UNC5A: variants seen among roughly 807,000 people sequenced by gnomAD.
UNC5A encodes unc-5 netrin receptor A.
Under a neutral mutation model 87.4 loss-of-function variants are expected in UNC5A, and 20 were observed. The ratio of observed to expected loss-of-function variants is 0.23; its 90% CI spans 0.16 to 0.33. The LOEUF (loss-of-function observed/expected upper bound fraction) is 0.33, where lower values mean the gene tolerates loss of function less well. UNC5A is among the 10% of genes least tolerant of loss of function. UNC5A has a pLI of 1.00. For synonymous variants in UNC5A, 438 were observed against 482.3 expected, an observed-to-expected ratio of 0.91 and a Z score of 1.20; for missense variants, 844 against 1,133.4, an observed-to-expected ratio of 0.74 and a Z score of 3.67.
chr5:176,870,388 C>T lies in UNC5A; in HGVS notation c.740C>T (p.Pro247Leu), dbSNP rs368246518. The change falls in exon 6 of 15, where the codon CCG becomes CTG. Residue 247 changes from proline (P) to leucine (L), a missense_variant. Physicochemically the swap from Pro to Leu is moderately conservative, Grantham distance 98. Transcript: ENST00000329542. ...CATCTAGTGGACGGCAGCTGGAGCC[C>T]GTGGAGCAAGTGGTCGGCCTGTGGG... ...VIVYVDGSWS[P>L]WSKWSACGLD... 12 of 1,611,648 alleles carry T rather than the reference C, an allele frequency of 7.4e-6. No individual in the cohort carries two copies. The highest frequency in any genetic ancestry group is 2.2e-5 in the East Asian group (1 of 44,876).
chr5:176,868,071 C>T lies in UNC5A; in HGVS notation c.293-59C>T, dbSNP rs1758017417. 1.9e-6 allele frequency: 3 copies of T among 1,559,996 alleles called. No individual in the cohort carries two copies. The African/African-American group carries it at 4.2e-5, about 22-fold the overall frequency. On this transcript the variant is annotated intron_variant, in intron 2 of 14. Transcript: ENST00000329542. ...AGTGGCTGAGGGTGGCGCAGGAACC[C>T]ACACACAGAAGCTCAGGGTGGCCCT... is the stretch of plus-strand genomic sequence containing the variant.
At chr5:176,825,207 G>A (rs778854538) in intron 1 of UNC5A, among the ~76,000 whole-genome samples, 102 of 152,318 alleles carry the variant, frequency 6.7e-4, no homozygotes, top group Non-Finnish European at 1.3e-3. Flanking sequence ...GCATGAGCTC[G>A]AATCCCATTC....
rs768949155 is a variant in UNC5A, at chr5:176,875,407, T to C, written c.1378+841T>C. ...TTCCTGGCTTCCCCCAGTTCACGGA[T>C]CGTCTAGTTGCTCAAGCCGGAAACT... On this transcript the variant is annotated intron_variant, in intron 8 of 14. Coordinates refer to ENST00000329542, the MANE Select transcript of UNC5A (RefSeq NM_133369.3). The surrounding 1 kb of genome is among the most constrained non-coding windows in gnomAD (Gnocchi z 5.2). Among the ~76,000 whole-genome samples, 28 of 151,730 alleles carry C rather than the reference T, an allele frequency of 1.8e-4. No homozygotes were observed. Among genetic ancestry groups the C allele is most frequent in the Non-Finnish European group, 3.7e-4 (25 of 67,942 alleles).
rs1176438351 is a variant in UNC5A at position 176,875,891 on chromosome 5, TCACGTCCA to T, written c.1379-1296_1379-1289del. On this transcript the variant is annotated intron_variant, in intron 8 of 14. Coordinates refer to ENST00000329542, the MANE Select transcript of UNC5A (RefSeq NM_133369.3). This position sits in a 1 kb window ranked among gnomAD's most constrained non-coding sequence, Gnocchi z 5.2. ...CCTGACAGCTCTTGCCGTCTGTGCC[TCACGTCCA>T]CACGGATGATAACGAACCCCTCATG... Among the ~76,000 whole-genome samples the T allele has an allele frequency of 6.6e-6, 1 of 152,214 alleles. No individual in the cohort carries two copies. The highest frequency in any genetic ancestry group is 1.9e-4 in the East Asian group (1 of 5,182).
chr5:176,826,636 CTTTTTTT>C (rs34466725), intron 1 of UNC5A, among the ~76,000 whole-genome samples: 1 of 72,742 alleles, frequency 1.4e-5, no homozygotes, highest in Non-Finnish European at 2.8e-5. Context: ...AGTTTCCAAA[CTTTTTTT>C]TTTTTTTTTT....
chr5:176,828,810 T>G (rs1581247545), intron 1 of UNC5A, among the ~76,000 whole-genome samples: 1 of 151,112 alleles, frequency 6.6e-6, no homozygotes, highest in Non-Finnish European at 1.5e-5. Flanking sequence ...GGTGGATGGG[T>G]GGATGGGTGG....
chr5:176,837,884 T>G (rs907821416), intron 1 of UNC5A, among the ~76,000 whole-genome samples: 1 of 152,174 alleles, frequency 6.6e-6, no homozygotes, highest in African/African-American at 2.4e-5. Flanking sequence ...CTCTGCGGAC[T>G]CGGCTTCCTA....
In UNC5A at chr5:176,841,191, C is replaced by T. The variant is rs1431783129; in HGVS notation, c.71-21433C>T. On this transcript the variant is annotated intron_variant, in intron 1 of 14. Coordinates refer to ENST00000329542, the MANE Select transcript of UNC5A (RefSeq NM_133369.3). The surrounding 1 kb of genome is among the most constrained non-coding windows in gnomAD (Gnocchi z 4.1). ...GATCACGAGCTAAAGTTGCAGGGGGCACCAGATGTCTGTTCTAATTTATTT... is the reference window on the plus strand; with the variant it reads ...GATCACGAGCTAAAGTTGCAGGGGGTACCAGATGTCTGTTCTAATTTATTT... Among the ~76,000 whole-genome samples the T allele has an allele frequency of 2.6e-5, 4 of 152,218 alleles. No individual in the cohort carries two copies. The highest frequency in any genetic ancestry group is 9.6e-5 in the African/African-American group (4 of 41,452).
intron 1 of UNC5A, among the ~76,000 whole-genome samples, chr5:176,823,993 C>T (rs187651463): frequency 6.6e-6 from 1 of 152,228 alleles, no homozygotes; most frequent in East Asian, 1.9e-4. Context: ...TATGAGAACC[C>T]AGCCTCTCCC....
intron 1 of UNC5A, among the ~76,000 whole-genome samples, chr5:176,815,305 T>C (rs1028225605): frequency 6.6e-6 from 1 of 152,168 alleles, no homozygotes; most frequent in African/African-American, 2.4e-5. Context: ...CTGCAATCAG[T>C]TCCACCAGCC....
In UNC5A at chr5:176,852,649, G is replaced by A. The variant is rs7705795; in HGVS notation, c.71-9975G>A. 9.6e-3 allele frequency among the ~76,000 whole-genome samples: 1,460 copies of A among 152,306 alleles called. 23 individuals carry two copies. Among genetic ancestry groups the A allele is most frequent in the African/African-American group, 0.034 (1,401 of 41,554 alleles). On this transcript the variant is annotated intron_variant, in intron 1 of 14. Coordinates refer to ENST00000329542, the MANE Select transcript of UNC5A (RefSeq NM_133369.3). ...ATTAACTATTTCTCTGGCCTGAGGC[G>A]AGGCCCCTCAGCAGGAAGGGGCCCT...
chr5:176,853,112 T>G (rs913921589), intron 1 of UNC5A, among the ~76,000 whole-genome samples: 3 of 152,152 alleles, frequency 2.0e-5, no homozygotes, highest in Non-Finnish European at 4.4e-5. Flanking sequence ...AGGCAGCGTG[T>G]GCGGGCACGA....
chr5:176,865,408 C>CG lies in UNC5A; in HGVS notation c.292+2566dup. 2.8e-6 allele frequency: 1 copy of CG among 355,858 alleles called. No individual in the cohort carries two copies. Among genetic ancestry groups the CG allele is most frequent in the East Asian group, 7.5e-5 (1 of 13,266 alleles). 22.0% of individuals were successfully genotyped at this position (355,858 alleles called of 1,614,324 possible). On this transcript the variant is annotated intron_variant, in intron 2 of 14. Coordinates refer to ENST00000329542, the MANE Select transcript of UNC5A (RefSeq NM_133369.3). This position sits in a 1 kb window ranked among gnomAD's most constrained non-coding sequence, Gnocchi z 5.3. Reference sequence around the variant, plus strand: ...CGCAGGCCCGGGCCGGCACACACACCGGGAGCCCCTGGCCCACACTCCCCA... The same window carrying CG: ...CGCAGGCCCGGGCCGGCACACACACCGGGGAGCCCCTGGCCCACACTCCCCA...
chr5:176,838,068 G>A lies in UNC5A; in HGVS notation c.71-24556G>A, dbSNP rs1757188371. On this transcript the variant is annotated intron_variant, in intron 1 of 14. Coordinates refer to ENST00000329542, the MANE Select transcript of UNC5A (RefSeq NM_133369.3). The surrounding 1 kb of genome is among the most constrained non-coding windows in gnomAD (Gnocchi z 4.2). ...CCCTTTGGAGCCTCCATTCTTTGTG[G>A]TGGGGACTCCCACCCCATAGGCTTC... 1.3e-5 allele frequency among the ~76,000 whole-genome samples: 2 copies of A among 152,190 alleles called. No individual in the cohort carries two copies. The highest frequency in any genetic ancestry group is 4.8e-5 in the African/African-American group (2 of 41,448).
At chr5:176,846,608 C>T (rs1042929333) in intron 1 of UNC5A, among the ~76,000 whole-genome samples, 12 of 152,114 alleles carry the variant, frequency 7.9e-5, no homozygotes, top group African/African-American at 2.7e-4. Context: ...TCTGACTGAA[C>T]TCTGACTTTG....
In UNC5A at chr5:176,869,927, G is replaced by A; in HGVS notation, c.722-443G>A. The stretch of plus-strand genomic sequence containing the variant: ...AGGCTCAGTCTGAGGCGGGGATCGG[G>A]GTGCGGTGTATGGTTGGAGTCAGGG... On this transcript the variant is annotated intron_variant, in intron 5 of 14. Coordinates refer to ENST00000329542, the MANE Select transcript of UNC5A (RefSeq NM_133369.3). This position sits in a 1 kb window ranked among gnomAD's most constrained non-coding sequence, Gnocchi z 9.1. 1 of 579,544 alleles carries A rather than the reference G, an allele frequency of 1.7e-6. No individual in the cohort carries two copies. The highest frequency in any genetic ancestry group is 3.1e-6 in the Non-Finnish European group (1 of 324,492). The allele number at this position is 579,544 out of a possible 1,614,324, so 35.9% of individuals were successfully genotyped here.
At chr5:176,853,301 G>A (rs1016518444) in intron 1 of UNC5A, among the ~76,000 whole-genome samples, 5 of 152,246 alleles carry the variant, frequency 3.3e-5, no homozygotes, top group African/African-American at 1.2e-4. Flanking sequence ...GAAGGAGCCT[G>A]TGAGCAGTGG....
chr5:176,869,666 T>C lies in UNC5A; in HGVS notation c.721+702T>C, dbSNP rs1758061876. The C allele has an allele frequency of 2.9e-6, 2 of 698,584 alleles. No individual in the cohort carries two copies. The highest frequency in any genetic ancestry group is 2.7e-5 in the East Asian group (1 of 37,184). The allele number at this position is 698,584 out of a possible 1,614,324, so 43.3% of individuals were successfully genotyped here. ...AGTGGTCCGTCTGCAGCGCCAGCTG[T>C]GGGCGCGGCTGGCAGAAACGGAGCC... On this transcript the variant is annotated intron_variant, in intron 5 of 14. Coordinates refer to ENST00000329542, the MANE Select transcript of UNC5A (RefSeq NM_133369.3). The surrounding 1 kb of genome is among the most constrained non-coding windows in gnomAD (Gnocchi z 9.1).
intron 1 of UNC5A, among the ~76,000 whole-genome samples, chr5:176,857,597 G>T (rs1346870156): frequency 6.6e-6 from 1 of 152,146 alleles, no homozygotes; most frequent in African/African-American, 2.4e-5. Flanking sequence ...TGGTTTGGGG[G>T]TTGCCCAGTT....
Sources: allele counts gnomAD v4.1 joint callset (sites outside exome capture counted in the v4.1 genomes callset), GRCh38; gene constraint gnomAD v4.1.1; non-coding constraint Gnocchi (gnomAD v3.1); transcripts MANE v1.5; gene names NCBI Gene and HGNC (gene_info 2026-07-23, HGNC 2026-07-21).